SLC35F4: variants seen among roughly 807,000 people sequenced by gnomAD.
SLC35F4 encodes the protein solute carrier family 35 member F4.
In SLC35F4, 24 loss-of-function variants were observed where a neutral mutation model predicts 44.2. The ratio of observed to expected loss-of-function variants is 0.54; its 90% confidence interval spans 0.39 to 0.76. The LOEUF is 0.76. Ranked by LOEUF, SLC35F4 falls within the 30% of genes least tolerant of loss-of-function variation. The pLI is 0.00. For synonymous variants in SLC35F4, 238 were observed against 223.6 expected, an observed-to-expected ratio of 1.06 and a Z score of -0.57; for missense variants, 562 against 586.1, an observed-to-expected ratio of 0.96 and a Z score of 0.42.
At chr14:57,681,520 T>A (rs1435417812) in intron 1 of SLC35F4, among the ~76,000 whole-genome samples, 1 of 152,094 alleles carries the variant, frequency 6.6e-6, no homozygotes. Context: ...GATTAAAGAC[T>A]TAGACATAAG....
intron 1 of SLC35F4, among the ~76,000 whole-genome samples, chr14:57,671,530 T>G (rs552933067): frequency 6.6e-6 from 1 of 151,720 alleles, no homozygotes; most frequent in Admixed American, 6.6e-5. Flanking sequence ...CCTGGCAGCA[T>G]TTATTATCTG....
intron 1 of SLC35F4, among the ~76,000 whole-genome samples, chr14:57,637,504 C>T (rs910388354): frequency 2.6e-5 from 4 of 152,076 alleles, no homozygotes; most frequent in Non-Finnish European, 5.9e-5. Flanking sequence ...CAGTCTTACA[C>T]GTTTTATAAA....
At chr14:57,596,661 T>G (rs1294252869) in intron 1 of SLC35F4, 27 of 667,640 alleles carry the variant, frequency 4.0e-5, no homozygotes, top group Non-Finnish European at 6.8e-5. Context: ...GGGATGGGAT[T>G]GAGATCAAAT....
intron 1 of SLC35F4, among the ~76,000 whole-genome samples, chr14:57,792,138 T>C (rs1483868229): frequency 6.6e-6 from 1 of 151,724 alleles, no homozygotes; most frequent in Non-Finnish European, 1.5e-5. Flanking sequence ...GATATATGAA[T>C]GGCCAGAAAC....
chr14:57,769,548 A>T (rs946091003), intron 1 of SLC35F4, among the ~76,000 whole-genome samples: 2 of 152,226 alleles, frequency 1.3e-5, no homozygotes, highest in African/African-American at 4.8e-5. Context: ...CATTTAATGA[A>T]TGGAAACCTG....
chr14:57,907,038 T>C (rs949193082), intron 1 of SLC35F4, among the ~76,000 whole-genome samples: 15 of 152,182 alleles, frequency 9.9e-5, no homozygotes, highest in Non-Finnish European at 2.1e-4. Context: ...CACTTTAGTA[T>C]GTATTGGTTG....
intron 1 of SLC35F4, among the ~76,000 whole-genome samples, chr14:57,852,677 C>A (rs545552158): frequency 6.6e-6 from 1 of 152,208 alleles, no homozygotes; most frequent in African/African-American, 2.4e-5. Context: ...CTTCTTCAGA[C>A]CCTGTCACCA....
intron 1 of SLC35F4, among the ~76,000 whole-genome samples, chr14:57,647,358 AC>A (rs1425201937): frequency 6.6e-6 from 1 of 151,920 alleles, no homozygotes; most frequent in Non-Finnish European, 1.5e-5. Context: ...TGTTGAATTG[AC>A]CCCTTTACCA....
At chr14:57,687,432 C>T (rs940377855) in intron 1 of SLC35F4, among the ~76,000 whole-genome samples, 2 of 152,150 alleles carry the variant, frequency 1.3e-5, no homozygotes, top group East Asian at 3.9e-4. Flanking sequence ...TAAATAGCTG[C>T]TATTTGAACA....
intron 1 of SLC35F4, among the ~76,000 whole-genome samples, chr14:57,864,203 G>A (rs1450627239): frequency 1.3e-5 from 2 of 152,110 alleles, no homozygotes; most frequent in African/African-American, 4.8e-5. Flanking sequence ...AAAGGTGAAA[G>A]TCAAGTAATT....
intron 1 of SLC35F4, among the ~76,000 whole-genome samples, chr14:57,849,898 C>A (rs987135754): frequency 6.6e-6 from 1 of 152,148 alleles, no homozygotes; most frequent in Admixed American, 6.5e-5. Context: ...CACACACACC[C>A]CTGAGGAAAC....
chr14:57,934,276 G>A (rs1889755574), intron 1 of SLC35F4, among the ~76,000 whole-genome samples: 1 of 150,742 alleles, frequency 6.6e-6, no homozygotes, highest in South Asian at 2.2e-4. Flanking sequence ...TGTGGGGAGT[G>A]GGATGATGAG....
At chr14:57,854,842 C>T (rs1219610429) in intron 1 of SLC35F4, among the ~76,000 whole-genome samples, 1 of 152,190 alleles carries the variant, frequency 6.6e-6, no homozygotes, top group East Asian at 1.9e-4. Context: ...TGTTTTAGCA[C>T]TAGACAAGCC....
intron 1 of SLC35F4, among the ~76,000 whole-genome samples, chr14:57,824,279 G>A (rs758193562): frequency 1.1e-4 from 16 of 152,024 alleles, no homozygotes; most frequent in Admixed American, 3.9e-4. Context: ...GTATTTAATC[G>A]ACAAATGCTA....
intron 1 of SLC35F4, among the ~76,000 whole-genome samples, chr14:57,617,275 C>T (rs1250570988): frequency 1.3e-5 from 2 of 151,420 alleles, no homozygotes; most frequent in African/African-American, 2.4e-5. Context: ...GGACTACAGG[C>T]GCCTGCTACC....
chr14:57,592,437 A>G (rs568576813), intron 2 of SLC35F4, among the ~76,000 whole-genome samples: 9 of 152,338 alleles, frequency 5.9e-5, no homozygotes, highest in South Asian at 4.1e-4. Flanking sequence ...ATAATCACAG[A>G]AAGAGTAACT....
chr14:57,918,726 T>C (rs1050174533), intron 1 of SLC35F4, among the ~76,000 whole-genome samples: 3 of 152,186 alleles, frequency 2.0e-5, no homozygotes, highest in Non-Finnish European at 4.4e-5. Context: ...GACTCTTCTA[T>C]AGAACTTGCC....
intron 1 of SLC35F4, among the ~76,000 whole-genome samples, chr14:57,906,038 G>A (rs559520276): frequency 5.9e-5 from 9 of 152,252 alleles, no homozygotes; most frequent in African/African-American, 2.2e-4. Flanking sequence ...ACACAGAAAC[G>A]GAACCAGAAC....
intron 1 of SLC35F4, among the ~76,000 whole-genome samples, chr14:57,728,432 T>A (rs2076259677): frequency 8.8e-6 from 1 of 114,156 alleles, no homozygotes; most frequent in African/African-American, 3.3e-5. Flanking sequence ...TCTTCTTTTT[T>A]CTTTCTTTCT....
Sources: gnomAD v4.1 joint callset for allele counts (sites outside exome capture counted in the v4.1 genomes callset) on GRCh38, gnomAD v4.1.1 for gene constraint, MANE v1.5 for transcripts, NCBI Gene and HGNC (gene_info 2026-07-23, HGNC 2026-07-21) for gene names.